DNAH14: variants seen among roughly 807,000 people sequenced by gnomAD.
DNAH14 encodes the protein dynein axonemal heavy chain 14.
In DNAH14, 478 loss-of-function variants were observed where a neutral mutation model predicts 520.9. The observed-to-expected ratio is 0.92, with a 90% CI of 0.85 to 0.99. The LOEUF (loss-of-function observed/expected upper bound fraction) is 0.99, where lower values mean the gene tolerates loss of function less well. DNAH14 is among the 50% of genes least tolerant of loss of function. DNAH14 has a pLI of 0.00. For missense variants in DNAH14, 4,831 were observed against 5,234.5 expected (o/e 0.92, Z 2.38); for synonymous variants, 1,581 against 1,757.2 (o/e 0.90, Z 2.51).
chr1:225,331,137 G>T (rs968558676), intron 64 of DNAH14, among the ~76,000 whole-genome samples: 4 of 151,686 alleles, frequency 2.6e-5, no homozygotes, highest in Admixed American at 6.6e-5. Context: ...ATCTAAATAA[G>T]ATATAAAATT....
At chr1:225,318,208 G>A (rs2094499402) in intron 60 of DNAH14, among the ~76,000 whole-genome samples, 1 of 152,192 alleles carries the variant, frequency 6.6e-6, no homozygotes, top group Non-Finnish European at 1.5e-5. Flanking sequence ...GCACAGCCTT[G>A]GAAGGGGTGT....
intron 22 of DNAH14, among the ~76,000 whole-genome samples, chr1:225,098,203 A>G (rs576667838): frequency 7.8e-5 from 9 of 115,098 alleles, no homozygotes; most frequent in African/African-American, 4.0e-4. Context: ...CTGTTTCAAG[A>G]AAAAAAAAAA....
intron 1 of DNAH14, among the ~76,000 whole-genome samples, chr1:224,937,105 G>A (rs1056807272): frequency 2.0e-5 from 3 of 151,342 alleles, no homozygotes; most frequent in South Asian, 4.2e-4. Flanking sequence ...ACCTACAGCC[G>A]ACATCAGGGA....
intron 35 of DNAH14, among the ~76,000 whole-genome samples, chr1:225,161,079 C>T (rs911905791): frequency 3.3e-5 from 5 of 151,244 alleles, no homozygotes; most frequent in African/African-American, 9.7e-5. Flanking sequence ...TTTTCATATT[C>T]GTATTCATCC....
intron 30 of DNAH14, among the ~76,000 whole-genome samples, chr1:225,145,986 C>T (rs1278527583): frequency 6.6e-6 from 1 of 152,140 alleles, no homozygotes; most frequent in East Asian, 1.9e-4. Flanking sequence ...AAGCATATTA[C>T]CTCTGAGATC....
intron 36 of DNAH14, among the ~76,000 whole-genome samples, chr1:225,179,539 C>A (rs1242810557): frequency 6.6e-6 from 1 of 152,160 alleles, no homozygotes; most frequent in Non-Finnish European, 1.5e-5. Context: ...TTGTGGATAT[C>A]TCTATTTACA....
At chr1:225,051,065 G>A (rs942783567) in intron 16 of DNAH14, among the ~76,000 whole-genome samples, 1 of 152,186 alleles carries the variant, frequency 6.6e-6, no homozygotes, top group African/African-American at 2.4e-5. Context: ...GTGTGGCATA[G>A]TTCCTAACAG....
At chr1:225,175,862 G>A (rs185721822) in intron 36 of DNAH14, among the ~76,000 whole-genome samples, 45 of 151,874 alleles carry the variant, frequency 3.0e-4, no homozygotes, top group African/African-American at 9.4e-4. Context: ...GGGTTCAAGC[G>A]ATTCTCCTGC....
At chr1:225,145,844 G>A (rs1014632112) in intron 30 of DNAH14, among the ~76,000 whole-genome samples, 3 of 152,086 alleles carry the variant, frequency 2.0e-5, no homozygotes, top group Non-Finnish European at 2.9e-5. Context: ...TGTTTCGTTT[G>A]CACATTATCT....
rs375017298 is a variant in DNAH14 at position 225,375,297 on chromosome 1, C to T, written c.12516+412C>T. On this transcript the variant is annotated intron_variant, in intron 78 of 85. Coordinates refer to ENST00000682510, the MANE Select transcript of DNAH14 (RefSeq NM_001367479.1). ...TCCCCCTCAGTTTCTATCCTCTATC[C>T]AAGCCTTCACATTTGTGGAGCAGAA... Among the ~76,000 whole-genome samples the T allele has an allele frequency of 4.6e-5, 7 of 152,296 alleles. No individual in the cohort carries two copies. The East Asian group carries it at 9.6e-4, about 21-fold the overall frequency.
chr1:225,373,172 G>GAA (rs3075885), intron 77 of DNAH14, among the ~76,000 whole-genome samples: 12 of 135,756 alleles, frequency 8.8e-5, no homozygotes, highest in Middle Eastern at 4.0e-3. Context: ...AGCATTTGTG[G>GAA]AAAAAAAAAA....
intron 34 of DNAH14, among the ~76,000 whole-genome samples, chr1:225,154,084 C>T (rs1343302637): frequency 3.3e-5 from 5 of 151,826 alleles, no homozygotes; most frequent in African/African-American, 9.7e-5. Context: ...GAAAAAAAGA[C>T]CTCATTTAGA....
chr1:225,198,383 A>G lies in DNAH14; in HGVS notation c.5886+5472A>G, dbSNP rs576549914. Among the ~76,000 whole-genome samples, 85 of 151,932 alleles carry G rather than the reference A, an allele frequency of 5.6e-4. 1 individual carries two copies. The highest frequency in any genetic ancestry group is 9.2e-4 in the Admixed American group (14 of 15,228). On this transcript the variant is annotated intron_variant, in intron 38 of 85. Coordinates refer to ENST00000682510, the MANE Select transcript of DNAH14 (RefSeq NM_001367479.1). ...AGGCACCCACCAACATGCCTGGCTA[A>G]TTTTTTGTATTTTTTAGTAGAGATG...
chr1:225,178,083 G>A (rs1456557690), intron 36 of DNAH14, among the ~76,000 whole-genome samples: 8 of 152,176 alleles, frequency 5.3e-5, no homozygotes, highest in Non-Finnish European at 8.8e-5. Context: ...TGATCTGGAT[G>A]TGAGACATGA....
intron 64 of DNAH14, among the ~76,000 whole-genome samples, 170 bp from the exon 65 acceptor site, chr1:225,331,267 C>A (rs1179309484): frequency 6.6e-6 from 1 of 152,044 alleles, no homozygotes; most frequent in Non-Finnish European, 1.5e-5. Context: ...ATCAATGAAT[C>A]ATTTCATTTC....
intron 8 of DNAH14, among the ~76,000 whole-genome samples, chr1:224,985,992 G>A (rs1310072869): frequency 4.0e-5 from 6 of 151,890 alleles, no homozygotes; most frequent in Non-Finnish European, 8.8e-5. Flanking sequence ...TTTATTCAAA[G>A]GAATAATAAC....
At chr1:225,058,951 C>G (rs2069569736) in intron 17 of DNAH14, among the ~76,000 whole-genome samples, 1 of 152,082 alleles carries the variant, frequency 6.6e-6, no homozygotes, top group South Asian at 2.1e-4. Flanking sequence ...TTACTTCCAA[C>G]TATGTGGTCA....
intron 27 of DNAH14, among the ~76,000 whole-genome samples, chr1:225,124,531 A>G (rs1289982297): frequency 3.3e-5 from 5 of 152,242 alleles, no homozygotes; most frequent in African/African-American, 7.2e-5. Context: ...TTGCTCATCC[A>G]TAAGAGGCAA....
chr1:225,318,368 C>T (rs1407924098), intron 60 of DNAH14, among the ~76,000 whole-genome samples: 2 of 152,120 alleles, frequency 1.3e-5, no homozygotes, highest in Non-Finnish European at 2.9e-5. Flanking sequence ...CCATGTATAC[C>T]TTCTCATCAA....
Sources: gnomAD v4.1 joint callset for allele counts (sites outside exome capture counted in the v4.1 genomes callset) on GRCh38, gnomAD v4.1.1 for gene constraint, MANE v1.5 for transcripts, NCBI Gene and HGNC (gene_info 2026-07-23, HGNC 2026-07-21) for gene names.